ABLIM3: variants seen among roughly 807,000 people sequenced by gnomAD.
ABLIM3 encodes actin binding LIM protein family member 3.
ABLIM3 carries 61 observed loss-of-function variants against 109.5 expected under a neutral mutation model. The ratio of observed to expected loss-of-function variants is 0.56; its 90% CI spans 0.45 to 0.69. The LOEUF (loss-of-function observed/expected upper bound fraction) is 0.69. Among genes scored for constraint, ABLIM3 ranks in the 30% least tolerant of loss-of-function variants. ABLIM3 has a pLI of 0.00. For missense variants in ABLIM3, 796 were observed against 889.5 expected (o/e 0.89, Z 1.34); for synonymous variants, 300 against 324.8 (o/e 0.92, Z 0.82).
intron 3 of ABLIM3, among the ~76,000 whole-genome samples, chr5:149,190,802 T>C (rs988507100): frequency 6.6e-6 from 1 of 151,192 alleles, no homozygotes; most frequent in African/African-American, 2.5e-5. Context: ...ATATGTTCTG[T>C]AAGCAGAAGA....
In ABLIM3 at chr5:149,234,612, G is replaced by A. The variant is rs145679415; in HGVS notation, c.888+1312G>A. 1.3e-3 allele frequency among the ~76,000 whole-genome samples: 193 copies of A among 152,274 alleles called. 2 individuals are homozygous for A. The East Asian group carries it at 0.015, about 12-fold the overall frequency. On this transcript the variant is annotated intron_variant, in intron 10 of 23. Coordinates refer to ENST00000309868, the MANE Select transcript of ABLIM3 (RefSeq NM_014945.5). The stretch of plus-strand genomic sequence containing the variant: ...TTATCACTGACTGAAATTTCAATAT[G>A]GGTCAATACTACCATGTGGCTGTCA...
intron 9 of ABLIM3, among the ~76,000 whole-genome samples, chr5:149,231,471 AC>A (rs1761854508): frequency 1.3e-5 from 2 of 151,980 alleles, no homozygotes; most frequent in South Asian, 4.2e-4. Context: ...TATCAAGTTG[AC>A]CCCTTGGGAC....
At chr5:149,206,889 G>GA in intron 5 of ABLIM3, 119 bp from the exon 6 acceptor site, 1 of 1,257,196 alleles carries the variant, frequency 8.0e-7, no homozygotes. Context: ...TCCAGTGTCA[G>GA]GTGGGAGCAA....
chr5:149,232,758 AGT>A (rs1561616090), intron 9 of ABLIM3, among the ~76,000 whole-genome samples: 1 of 151,612 alleles, frequency 6.6e-6, no homozygotes, highest in African/African-American at 2.4e-5. Context: ...GTTCAGAGAC[AGT>A]TTTTTTTTTA....
intron 12 of ABLIM3, among the ~76,000 whole-genome samples, 166 bp from the exon 13 acceptor site, chr5:149,239,593 T>C (rs1217525786): frequency 6.6e-6 from 1 of 151,724 alleles, no homozygotes; most frequent in Non-Finnish European, 1.5e-5. Context: ...TTCTCTGCCA[T>C]CTTCCTCGGG....
chr5:149,198,993 T>A lies in ABLIM3; in HGVS notation c.335+591T>A, dbSNP rs1758248275. The A allele has an allele frequency of 4.4e-6, 2 of 454,174 alleles. No individual in the cohort carries two copies. Among genetic ancestry groups the A allele is most frequent in the South Asian group, 3.1e-5 (2 of 64,080 alleles). 28.1% of individuals were successfully genotyped at this position (454,174 alleles called of 1,614,324 possible). A position where few individuals can be genotyped will look rare whatever the true frequency, so the allele number is the denominator to read the frequency against. ...AGTGATCAGTATGTGAGAGTGTCTG[T>A]TTTTATTATCCTTTTCATTATCATG... On this transcript the variant is annotated intron_variant, in intron 4 of 23. Transcript: ENST00000309868. This position sits in a 1 kb window ranked among gnomAD's most constrained non-coding sequence, Gnocchi z 4.2.
intron 22 of ABLIM3, 84 bp from the exon 23 acceptor site, chr5:149,252,673 A>C: frequency 9.7e-7 from 1 of 1,034,706 alleles, no homozygotes; most frequent in Non-Finnish European, 1.5e-6. Context: ...TGGATAGAAC[A>C]GAGAGCCCAG....
chr5:149,235,323 G>A (rs951839418), intron 10 of ABLIM3, among the ~76,000 whole-genome samples: 6 of 152,248 alleles, frequency 3.9e-5, no homozygotes, highest in African/African-American at 1.4e-4. Context: ...AGACATTTGA[G>A]ATTTTAGATT....
At chr5:149,154,148 C>T (rs904069257) in intron 2 of ABLIM3, among the ~76,000 whole-genome samples, 3 of 152,196 alleles carry the variant, frequency 2.0e-5, no homozygotes, top group East Asian at 1.9e-4. Flanking sequence ...CCAATCTTCC[C>T]GCTGCAAGTC....
chr5:149,189,026 A>T (rs1001220634), intron 3 of ABLIM3, among the ~76,000 whole-genome samples: 3 of 152,254 alleles, frequency 2.0e-5, no homozygotes, highest in Non-Finnish European at 4.4e-5. Flanking sequence ...CATAGAAATG[A>T]ATAAAATCAA....
At position 149,156,292 on chromosome 5, in the gene ABLIM3, C is replaced by T. The variant is rs1753860944; in HGVS notation, c.13+14184C>T. Among the ~76,000 whole-genome samples, 2 of 152,186 alleles carry T rather than the reference C, an allele frequency of 1.3e-5. 1 individual carries two copies. Among genetic ancestry groups the T allele is most frequent in the South Asian group, 4.1e-4 (2 of 4,826 alleles). ...CCAGCTTGACCCTTATTAGCTGTGC[C>T]GCCTTCAGAGAGTTGCTTTTTACCA... On this transcript the variant is annotated intron_variant, in intron 2 of 23. Transcript: ENST00000309868.
At chr5:149,252,115 G>A in intron 21 of ABLIM3, 86 bp from the exon 22 acceptor site, 2 of 1,502,676 alleles carry the variant, frequency 1.3e-6, no homozygotes, top group Non-Finnish European at 9.1e-7. Flanking sequence ...GACCCCCTGA[G>A]AGAGTAGGAC....
chr5:149,225,958 ATG>A (rs372337062), intron 8 of ABLIM3, among the ~76,000 whole-genome samples: 132 of 98,040 alleles, frequency 1.3e-3, no homozygotes, highest in Middle Eastern at 6.1e-3. Context: ...TGTATATAAT[ATG>A]TGTGTGTGTG....
intron 2 of ABLIM3, 98 bp from the exon 3 acceptor site, chr5:149,183,354 T>G: frequency 7.3e-7 from 1 of 1,370,158 alleles, no homozygotes; most frequent in Non-Finnish European, 9.7e-7. Context: ...TTCTTCCCCT[T>G]CCACTTTTTC....
At chr5:149,213,460 A>G (rs1759758270) in intron 7 of ABLIM3, among the ~76,000 whole-genome samples, 1 of 152,212 alleles carries the variant, frequency 6.6e-6, no homozygotes. Flanking sequence ...GCTGCGGAAA[A>G]GCTGTTGGAT....
intron 2 of ABLIM3, among the ~76,000 whole-genome samples, chr5:149,183,158 A>C (rs1328718631): frequency 1.3e-5 from 2 of 152,164 alleles, no homozygotes; most frequent in African/African-American, 4.8e-5. Context: ...ACTTACTTTG[A>C]AATACTCTAT....
At chr5:149,152,403 C>T (rs1254586844) in intron 2 of ABLIM3, among the ~76,000 whole-genome samples, 2 of 152,172 alleles carry the variant, frequency 1.3e-5, no homozygotes. Context: ...AATTGATTAA[C>T]ATTGCCATGA....
intron 2 of ABLIM3, among the ~76,000 whole-genome samples, chr5:149,154,140 A>T (rs1753675375): frequency 1.3e-5 from 2 of 152,198 alleles, no homozygotes; most frequent in African/African-American, 4.8e-5. Flanking sequence ...ATCAAGTGCC[A>T]ATCTTCCCGC....
chr5:149,242,725 A>C, intron 15 of ABLIM3, 187 bp downstream of exon 15: 2 of 645,352 alleles, frequency 3.1e-6, no homozygotes, highest in Non-Finnish European at 5.5e-6. Context: ...CAAAAGAACA[A>C]AGTCCTCATG....
Sources: gnomAD v4.1 joint callset for allele counts (sites outside exome capture counted in the v4.1 genomes callset) on GRCh38, gnomAD v4.1.1 for gene constraint, Gnocchi (gnomAD v3.1) non-coding constraint, MANE v1.5 for transcripts, NCBI Gene and HGNC (gene_info 2026-07-23, HGNC 2026-07-21) for gene names.